FHIP1A: variants seen among roughly 807,000 people sequenced by gnomAD.
FHIP1A encodes FHF complex subunit HOOK interacting protein 1A.
A neutral mutation model predicts 88.6 loss-of-function variants in FHIP1A; 61 were observed. That is an observed-to-expected ratio of 0.69 (90% confidence interval 0.56 to 0.85). The LOEUF (loss-of-function observed/expected upper bound fraction) is 0.85, where lower values mean the gene tolerates loss of function less well. Among genes scored for constraint, FHIP1A ranks in the 40% least tolerant of loss-of-function variants. The pLI is 0.00. For synonymous variants in FHIP1A, 478 were observed against 496.0 expected, an observed-to-expected ratio of 0.96 and a Z score of 0.48; for missense variants, 1,154 against 1,273.5, an observed-to-expected ratio of 0.91 and a Z score of 1.43.
intron 1 of FHIP1A, among the ~76,000 whole-genome samples, chr4:151,423,858 G>A (rs1733265477): frequency 6.6e-6 from 1 of 152,202 alleles, no homozygotes; most frequent in South Asian, 2.1e-4. Context: ...GGAAGTTTGA[G>A]AAACTGGAAA....
intron 1 of FHIP1A, among the ~76,000 whole-genome samples, chr4:151,449,887 A>T (rs1186183138): frequency 6.6e-6 from 1 of 152,136 alleles, no homozygotes; most frequent in African/African-American, 2.4e-5. Context: ...TATTTTTTTT[A>T]AACTTGAGTT....
At chr4:151,604,032 A>G (rs559676125) in intron 7 of FHIP1A, among the ~76,000 whole-genome samples, 9 of 152,164 alleles carry the variant, frequency 5.9e-5, no homozygotes, top group Non-Finnish European at 1.3e-4. Context: ...CTTGGTCTAC[A>G]TGCTGTGTCA....
At chr4:151,465,059 T>G (rs2126606221) in intron 2 of FHIP1A, among the ~76,000 whole-genome samples, 2 of 152,136 alleles carry the variant, frequency 1.3e-5, no homozygotes, top group East Asian at 3.9e-4. Context: ...GTTTTAAAAA[T>G]TAGCCAGGCA....
intron 3 of FHIP1A, among the ~76,000 whole-genome samples, chr4:151,533,310 G>A (rs1731949310): frequency 2.0e-5 from 3 of 152,050 alleles, no homozygotes; most frequent in African/African-American, 7.3e-5. Context: ...GGGGTTGGGG[G>A]GCACCTAGGC....
At chr4:151,600,308 A>G (rs1186462211) in intron 7 of FHIP1A, among the ~76,000 whole-genome samples, 1 of 152,252 alleles carries the variant, frequency 6.6e-6, no homozygotes, top group Non-Finnish European at 1.5e-5. Context: ...CATTGTCTAA[A>G]GCAAAGCAAG....
intron 7 of FHIP1A, among the ~76,000 whole-genome samples, chr4:151,611,096 T>C (rs980606883): frequency 6.6e-6 from 1 of 152,164 alleles, no homozygotes; most frequent in Non-Finnish European, 1.5e-5. Context: ...TGTGTGTGTG[T>C]GTGTATGTAG....
chr4:151,615,572 AG>A (rs1487952154), intron 7 of FHIP1A, among the ~76,000 whole-genome samples: 2 of 152,166 alleles, frequency 1.3e-5, no homozygotes, highest in Non-Finnish European at 2.9e-5. Context: ...GGGGATGGCA[AG>A]GGGGTGTTGA....
rs1211962244 is a variant in FHIP1A, at chr4:151,656,885, A to G, written c.2856A>G (p.Ala952=). ...TGGACATGTCTGATATGACCCCTGC[A>G]GCACTAACCAAAGGTAAGCCAGGTT... is the stretch of plus-strand genomic sequence containing the variant. ...FRVDMSDMTP[A]ALTKDPIQEA... is the part of the protein sequence containing the mutation. The change falls in exon 13 of 14, where the codon GCA becomes GCG. Residue 952 remains alanine (A), a synonymous_variant. Coordinates refer to ENST00000435205, the MANE Select transcript of FHIP1A (RefSeq NM_001109977.3). The surrounding 1 kb of genome is among the most constrained non-coding windows in gnomAD (Gnocchi z 4.2). The G allele has an allele frequency of 6.4e-7, 1 of 1,550,516 alleles. No individual in the cohort carries two copies. Among genetic ancestry groups the G allele is most frequent in the East Asian group, 2.4e-5 (1 of 40,918 alleles).
At chr4:151,552,543 G>T (rs902083793) in intron 3 of FHIP1A, among the ~76,000 whole-genome samples, 1 of 152,102 alleles carries the variant, frequency 6.6e-6, no homozygotes, top group Non-Finnish European at 1.5e-5. Context: ...GGATGAAGCT[G>T]GAAACCATCA....
chr4:151,542,181 G>GT (rs1310541418), intron 3 of FHIP1A, among the ~76,000 whole-genome samples: 1 of 152,264 alleles, frequency 6.6e-6, no homozygotes, highest in Admixed American at 6.5e-5. Context: ...CGAGAACCCA[G>GT]TTTTTTCTAC....
At position 151,538,784 on chromosome 4, in the gene FHIP1A, G is replaced by A. The variant is rs561914039; in HGVS notation, c.-122-27354G>A. Reference sequence around the variant, plus strand: ...TCAGGCGGATGTGAGACCATAGAATGTGATGAGTTCTATGACAAACTAGAG... The same window carrying A: ...TCAGGCGGATGTGAGACCATAGAATATGATGAGTTCTATGACAAACTAGAG... On this transcript the variant is annotated intron_variant, in intron 3 of 13. Coordinates refer to ENST00000435205, the MANE Select transcript of FHIP1A (RefSeq NM_001109977.3). Among the ~76,000 whole-genome samples the A allele has an allele frequency of 2.0e-3, 304 of 152,288 alleles. 1 individual carries two copies. The highest frequency in any genetic ancestry group is 7.2e-3 in the African/African-American group (301 of 41,546).
chr4:151,466,257 A>G (rs963506059), intron 2 of FHIP1A, among the ~76,000 whole-genome samples: 9 of 152,196 alleles, frequency 5.9e-5, no homozygotes, highest in African/African-American at 1.7e-4. Flanking sequence ...TAAAATAGCT[A>G]GGAGTACAAC....
intron 7 of FHIP1A, among the ~76,000 whole-genome samples, chr4:151,623,274 C>T (rs557403748): frequency 2.1e-4 from 32 of 152,062 alleles, no homozygotes; most frequent in Non-Finnish European, 4.3e-4. Flanking sequence ...TTCTGTGTCC[C>T]CTCTTAACCA....
In FHIP1A at chr4:151,577,808, C is replaced by A. The variant is rs1289353894; in HGVS notation, c.464C>A (p.Thr155Asn). The stretch of plus-strand genomic sequence containing the variant: ...CTGAGCTCTTGTTCAGGAACAACCA[C>A]CCCCACTGTGGAGGAGAAGCTGGTT... ...MLLSSCSGTT[T>N]PTVEEKLVVL... Residue 155 changes from threonine to asparagine, a missense_variant, in exon 5 of 14, where the codon ACC becomes AAC. Thr to Asn is a moderately conservative substitution (Grantham distance 65). Coordinates refer to ENST00000435205, the MANE Select transcript of FHIP1A (RefSeq NM_001109977.3). 1 of 1,552,050 alleles carries A rather than the reference C, an allele frequency of 6.4e-7. No individual in the cohort carries two copies. Among genetic ancestry groups the A allele is most frequent in the Non-Finnish European group, 8.7e-7 (1 of 1,147,060 alleles).
At chr4:151,597,107 T>A (rs1734678384) in intron 7 of FHIP1A, among the ~76,000 whole-genome samples, 1 of 152,152 alleles carries the variant, frequency 6.6e-6, no homozygotes, top group Non-Finnish European at 1.5e-5. Flanking sequence ...GAAGAGGCAT[T>A]CTGGTTTTTG....
Position 151,577,723 on chromosome 4 carries a change from A to G in FHIP1A, c.379A>G (p.Thr127Ala), listed in dbSNP as rs200326017. The part of the protein sequence containing the change: ...EQLKMYEMLV[T>A]QSHQPLLHHK... ...GCTAAAGATGTATGAGATGTTGGTC[A>G]CCCAGTCGCACCAGCCTCTGCTGCA... is the stretch of plus-strand genomic sequence containing the variant. Residue 127 changes from threonine to alanine, a missense_variant, in exon 5 of 14, where the codon ACC becomes GCC. Transcript: ENST00000435205. The G allele has an allele frequency of 7.7e-4, 1,201 of 1,551,702 alleles. 2 individuals are homozygous for G. Among genetic ancestry groups the G allele is most frequent in the Non-Finnish European group, 9.2e-4 (1,052 of 1,147,000 alleles).
At chr4:151,592,520 A>G (rs146687374) in intron 7 of FHIP1A, among the ~76,000 whole-genome samples, 1,999 of 152,302 alleles carry the variant, frequency 0.013, 40 homozygotes, top group African/African-American at 0.044. Flanking sequence ...CTAATGACCA[A>G]TGATGGTGAG....
rs57129396 is a variant in FHIP1A at position 151,443,616 on chromosome 4, CTT to C, written c.-355-11074_-355-11073del. On this transcript the variant is annotated intron_variant, in intron 1 of 13. Coordinates refer to ENST00000435205, the MANE Select transcript of FHIP1A (RefSeq NM_001109977.3). Reference sequence around the variant, plus strand: ...CTTTTAAAAAGATGTGTATGTAGAGCTTTTTTTTTTTTCCTTCTTTTTCCTCA... The same window carrying C: ...CTTTTAAAAAGATGTGTATGTAGAGCTTTTTTTTTTCCTTCTTTTTCCTCA... 8.5e-3 allele frequency among the ~76,000 whole-genome samples: 1,215 copies of C among 143,580 alleles called. 31 individuals are homozygous for C. The East Asian group carries it at 0.1, about 12-fold the overall frequency. The allele number at this position is 143,580 out of a possible 152,430, so 94.2% of individuals were successfully genotyped here. A position where few individuals can be genotyped will look rare whatever the true frequency, so the allele number is the denominator to read the frequency against.
chr4:151,563,899 G>A (rs563918801), intron 3 of FHIP1A, among the ~76,000 whole-genome samples: 61 of 152,180 alleles, frequency 4.0e-4, no homozygotes, highest in Middle Eastern at 3.4e-3. Flanking sequence ...AGGCTGAGGC[G>A]GGAGGATTGC....
Sources: allele counts gnomAD v4.1 joint callset (sites outside exome capture counted in the v4.1 genomes callset), GRCh38; gene constraint gnomAD v4.1.1; non-coding constraint Gnocchi (gnomAD v3.1); transcripts MANE v1.5; gene names NCBI Gene and HGNC (gene_info 2026-07-23, HGNC 2026-07-21).